NT5C3A: variants seen among roughly 807,000 people sequenced by gnomAD.
NT5C3A encodes cytosolic 5'-nucleotidase 3A.
A neutral mutation model predicts 40.0 loss-of-function variants in NT5C3A; 23 were observed. The observed-to-expected ratio is 0.58, with a 90% confidence interval of 0.41 to 0.81. NT5C3A has a LOEUF of 0.81. Ranked by LOEUF, NT5C3A falls within the 40% of genes least tolerant of loss-of-function variation. The probability of loss-of-function intolerance (pLI) is 0.00; values close to 1 mark genes in which losing one functional copy is unlikely to be tolerated. For missense variants in NT5C3A, 328 were observed against 403.0 expected (o/e 0.81, Z 1.59); for synonymous variants, 130 against 141.4 (o/e 0.92, Z 0.57).
chr7:33,047,889 T>C (rs960034905), intron 1 of NT5C3A, among the ~76,000 whole-genome samples: 1 of 152,170 alleles, frequency 6.6e-6, no homozygotes, highest in Admixed American at 6.5e-5. Flanking sequence ...TGGTATGATC[T>C]TAGCTTACCA....
At chr7:33,022,135 T>TA in intron 3 of NT5C3A, 36 bp from the exon 4 acceptor site, 1 of 1,094,234 alleles carries the variant, frequency 9.1e-7, no homozygotes, top group Non-Finnish European at 1.4e-6. Context: ...TTAAAAGAAA[T>TA]ACTCTGATTT....
chr7:33,035,479 C>T (rs375571172), intron 1 of NT5C3A, among the ~76,000 whole-genome samples: 2 of 152,222 alleles, frequency 1.3e-5, no homozygotes, highest in African/African-American at 4.8e-5. Context: ...AGGCACCCGG[C>T]CGGAATGAGT....
chr7:33,027,183 T>C (rs377752614), intron 1 of NT5C3A: 1 of 393,890 alleles, frequency 2.5e-6, no homozygotes, highest in Non-Finnish European at 4.7e-6. Context: ...GATCCTCCCA[T>C]CTCAGCCTCC....
rs1583884979 is a variant in NT5C3A at position 33,014,833 on chromosome 7, T to C, written c.895-2A>G. On this transcript the variant is annotated splice_acceptor_variant, in intron 8 of 8. Transcript: ENST00000610140. LOFTEE classifies it high-confidence loss of function. ...GTACTTTTCTAAAAGCTCATCCACCTAATCAAGAGATGAACAAAAGAAAAT... is the reference window on the plus strand; with the variant it reads ...GTACTTTTCTAAAAGCTCATCCACCCAATCAAGAGATGAACAAAAGAAAAT... The C allele has an allele frequency of 6.2e-7, 1 of 1,603,946 alleles. No individual in the cohort carries two copies.
intron 2 of NT5C3A, among the ~76,000 whole-genome samples, chr7:33,026,198 A>C (rs1378871121): frequency 6.6e-6 from 1 of 151,838 alleles, no homozygotes; most frequent in African/African-American, 2.4e-5. Flanking sequence ...AAACAAAAAA[A>C]TTAGCTGGTT....
chr7:33,051,453 C>A (rs1278350451), intron 1 of NT5C3A, among the ~76,000 whole-genome samples: 5 of 152,086 alleles, frequency 3.3e-5, no homozygotes, highest in African/African-American at 4.8e-5. Context: ...TTAGCTACCA[C>A]GCCTGGCCAA....
At chr7:33,029,702 G>T (rs1786141133) in intron 1 of NT5C3A, 4 of 1,288,684 alleles carry the variant, frequency 3.1e-6, no homozygotes, top group Non-Finnish European at 2.0e-6. Flanking sequence ...GAAGAAGGCT[G>T]GTTTCTGCTA....
chr7:33,037,230 T>C (rs1047494257), intron 1 of NT5C3A, among the ~76,000 whole-genome samples: 1 of 152,170 alleles, frequency 6.6e-6, no homozygotes, highest in African/African-American at 2.4e-5. Context: ...CCTTTTAGGG[T>C]CTGGGTGAAG....
intron 3 of NT5C3A, among the ~76,000 whole-genome samples, chr7:33,022,842 T>C (rs1785700607): frequency 6.6e-6 from 1 of 152,184 alleles, no homozygotes; most frequent in African/African-American, 2.4e-5. Flanking sequence ...GAATAAAGTT[T>C]TTTAAAAACT....
At chr7:33,035,964 A>T in intron 1 of NT5C3A, 1 of 1,613,446 alleles carries the variant, frequency 6.2e-7, no homozygotes, top group Non-Finnish European at 8.5e-7. Flanking sequence ...ACTCTTGATT[A>T]GTCATTTCTT....
chr7:33,024,011 T>A (rs1231977112), intron 3 of NT5C3A, 28 bp downstream of exon 3: 3 of 1,276,410 alleles, frequency 2.4e-6, no homozygotes, highest in African/African-American at 2.9e-5. Context: ...CATGCTTTTG[T>A]GAATTTGTTT....
intron 1 of NT5C3A, among the ~76,000 whole-genome samples, chr7:33,038,526 A>C (rs1361212980): frequency 1.3e-5 from 2 of 151,812 alleles, no homozygotes; most frequent in Non-Finnish European, 2.9e-5. Context: ...AAGTATACCA[A>C]CAATTCATGA....
At position 33,062,742 on chromosome 7, in the gene NT5C3A, A is replaced by C; in HGVS notation, c.-37T>G. The C allele has an allele frequency of 6.4e-7, 1 of 1,550,528 alleles. No homozygotes were observed. ...TCATGCGCGTCCAAGCAGGAAAAAA[A>C]CAGGCAGCTCGCGTAGACTGCGAGT... On this transcript the variant is annotated 5_prime_UTR_variant, in exon 1 of 9. Coordinates refer to ENST00000610140, the MANE Select transcript of NT5C3A (RefSeq NM_001002010.5).
At chr7:33,061,914 T>C (rs926013842) in intron 1 of NT5C3A, among the ~76,000 whole-genome samples, 1 of 152,130 alleles carries the variant, frequency 6.6e-6, no homozygotes, top group Non-Finnish European at 1.5e-5. Context: ...CCCTCTTCAA[T>C]AAAAAATTAA....
chr7:33,021,694 C>A (rs1785638463), intron 4 of NT5C3A: 1 of 399,248 alleles, frequency 2.5e-6, no homozygotes, highest in South Asian at 2.8e-5. Context: ...CATACATACT[C>A]AAGCGAAGTA....
chr7:33,038,147 A>G (rs1428149861), intron 1 of NT5C3A, among the ~76,000 whole-genome samples: 1 of 151,528 alleles, frequency 6.6e-6, no homozygotes, highest in Non-Finnish European at 1.5e-5. Context: ...AAACTATCTC[A>G]TTAGCTTGAA....
At chr7:33,040,308 T>C (rs1786850563) in intron 1 of NT5C3A, among the ~76,000 whole-genome samples, 1 of 152,222 alleles carries the variant, frequency 6.6e-6, no homozygotes, top group East Asian at 1.9e-4. Context: ...TACTGTAATA[T>C]AAATTTTTGA....
chr7:33,040,872 C>T, intron 1 of NT5C3A: 1 of 984,814 alleles, frequency 1.0e-6, no homozygotes, highest in Non-Finnish European at 1.2e-6. Flanking sequence ...ACACACTTAC[C>T]CTGAAGGTAA....
At chr7:33,036,006 A>G (rs199627500) in intron 1 of NT5C3A, 129 of 1,605,580 alleles carry the variant, frequency 8.0e-5, no homozygotes, top group Non-Finnish European at 1.0e-4. Context: ...TTCCCAGGTG[A>G]TGTCACAGCA....
Sources: gnomAD v4.1 joint callset for allele counts (sites outside exome capture counted in the v4.1 genomes callset) on GRCh38, gnomAD v4.1.1 for gene constraint, MANE v1.5 for transcripts, NCBI Gene and HGNC (gene_info 2026-07-23, HGNC 2026-07-21) for gene names.